CHRM5: variants seen among roughly 807,000 people sequenced by gnomAD.
The protein encoded by CHRM5 is cholinergic receptor muscarinic 5.
A neutral mutation model predicts 39.0 loss-of-function variants in CHRM5; 18 were observed. The ratio of observed to expected loss-of-function variants is 0.46; its 90% CI spans 0.32 to 0.68. CHRM5 has a LOEUF of 0.68. CHRM5 is among the 30% of genes least tolerant of loss of function. CHRM5 has a pLI of 0.04. For synonymous variants in CHRM5, 241 were observed against 246.3 expected (o/e 0.98, Z 0.20); for missense variants, 515 against 651.1 (o/e 0.79, Z 2.28).
At chr15:34,034,642 A>G (rs2140776960) in intron 1 of CHRM5, among the ~76,000 whole-genome samples, 1 of 152,330 alleles carries the variant, frequency 6.6e-6, no homozygotes. Context: ...CAAGCAAAAA[A>G]GTTCAGTTGT....
intron 1 of CHRM5, among the ~76,000 whole-genome samples, chr15:33,980,498 T>C (rs1210083110): frequency 2.6e-5 from 4 of 152,214 alleles, no homozygotes; most frequent in Non-Finnish European, 5.9e-5. Context: ...TGTGGGCTGA[T>C]GGCCATATAT....
chr15:34,022,570 G>C (rs1482064139), intron 1 of CHRM5, among the ~76,000 whole-genome samples: 1 of 152,184 alleles, frequency 6.6e-6, no homozygotes, highest in Non-Finnish European at 1.5e-5. Flanking sequence ...AAACTTTGAG[G>C]CTGGGCCACA....
chr15:33,976,441 C>T (rs948266933), intron 1 of CHRM5, among the ~76,000 whole-genome samples: 5 of 147,190 alleles, frequency 3.4e-5, no homozygotes, highest in African/African-American at 1.2e-4. Context: ...AAACCAACAA[C>T]CAATACCCAT....
intron 2 of CHRM5, among the ~76,000 whole-genome samples, chr15:34,055,462 G>A (rs1275757037): frequency 6.8e-6 from 1 of 147,692 alleles, no homozygotes; most frequent in Non-Finnish European, 1.5e-5. Flanking sequence ...CTGTGATCAC[G>A]CCACTGCATT....
chr15:34,044,168 G>A (rs1899595355), intron 1 of CHRM5, among the ~76,000 whole-genome samples: 1 of 150,762 alleles, frequency 6.6e-6, no homozygotes, highest in African/African-American at 2.4e-5. Context: ...CCTTTTTATA[G>A]CAAAGTTCCT....
intron 1 of CHRM5, chr15:34,038,678 G>A: frequency 6.8e-6 from 7 of 1,030,338 alleles, no homozygotes; most frequent in Non-Finnish European, 8.3e-6. Context: ...CCGCCCGTCT[G>A]GCGCGCGCCT....
At chr15:33,970,192 G>C (rs1260166230) in intron 1 of CHRM5, among the ~76,000 whole-genome samples, 2 of 151,918 alleles carry the variant, frequency 1.3e-5, no homozygotes, top group Non-Finnish European at 1.5e-5. Context: ...TTGTCTAAAA[G>C]TAGTCAAATT....
intron 1 of CHRM5, among the ~76,000 whole-genome samples, chr15:34,032,182 A>G (rs2684938): frequency 0.99 from 151,097 of 152,268 alleles, 74,979 homozygotes; most frequent in Middle Eastern, 1. Flanking sequence ...AAGTGCATCA[A>G]GAAATAGTGA....
intron 1 of CHRM5, among the ~76,000 whole-genome samples, chr15:34,020,320 A>G (rs868058175): frequency 2.3e-4 from 34 of 146,950 alleles, no homozygotes; most frequent in Admixed American, 3.4e-4. Flanking sequence ...CAAAAAAAAA[A>G]GAAAAAAAAA....
intron 1 of CHRM5, among the ~76,000 whole-genome samples, chr15:34,034,080 C>G (rs556234051): frequency 1.8e-4 from 28 of 152,320 alleles, no homozygotes; most frequent in African/African-American, 6.7e-4. Context: ...CCACTGCGCC[C>G]AGCCTAAATA....
intron 1 of CHRM5, among the ~76,000 whole-genome samples, chr15:34,027,147 G>A (rs1350039134): frequency 6.6e-6 from 1 of 152,186 alleles, no homozygotes; most frequent in African/African-American, 2.4e-5. Context: ...TCCAAGGAGT[G>A]TTTATTTAAA....
chr15:34,023,069 C>A (rs1437999553), intron 1 of CHRM5, among the ~76,000 whole-genome samples: 4 of 152,158 alleles, frequency 2.6e-5, no homozygotes, highest in African/African-American at 9.7e-5. Flanking sequence ...CGCCTGTAGT[C>A]CCAGCTACTC....
chr15:34,021,576 C>T (rs1329440553), intron 1 of CHRM5, among the ~76,000 whole-genome samples: 1 of 152,108 alleles, frequency 6.6e-6, no homozygotes, highest in Non-Finnish European at 1.5e-5. Flanking sequence ...TACACATGGC[C>T]GTGTAAGGTG....
At chr15:34,005,532 T>G (rs1273634994) in intron 1 of CHRM5, among the ~76,000 whole-genome samples, 1 of 152,232 alleles carries the variant, frequency 6.6e-6, no homozygotes, top group Non-Finnish European at 1.5e-5. Flanking sequence ...GATGCTGCTT[T>G]GAACCCTTTG....
At chr15:33,977,083 G>T (rs74972758) in intron 1 of CHRM5, among the ~76,000 whole-genome samples, 2,178 of 152,160 alleles carry the variant, frequency 0.014, 51 homozygotes, top group African/African-American at 0.049. Flanking sequence ...AATAATTTTT[G>T]GCTTAAATTG....
At position 34,062,721 on chromosome 15, in the gene CHRM5, G is replaced by A; in HGVS notation, c.4G>A (p.Glu2Lys). 6.2e-7 allele frequency: 1 copy of A among 1,606,668 alleles called. No individual in the cohort carries two copies. The highest frequency in any genetic ancestry group is 8.5e-7 in the Non-Finnish European group (1 of 1,175,362). M[E>K]GDSYHNATTV... The stretch of plus-strand genomic sequence containing the variant: ...ACTGTAAAATTTTTGCACCAGGATG[G>A]AAGGGGATTCTTACCACAATGCAAC... The change falls in exon 3 of 3, where the codon GAA becomes AAA. Residue 2 changes from glutamate (E) to lysine (K), a missense_variant. Glu to Lys is a moderately conservative substitution (Grantham distance 56, BLOSUM62 1). Transcript: ENST00000383263.
chr15:34,009,272 A>C (rs913446524), intron 1 of CHRM5, among the ~76,000 whole-genome samples: 10 of 152,232 alleles, frequency 6.6e-5, no homozygotes, highest in African/African-American at 2.4e-4. Flanking sequence ...AAGTTCTTCA[A>C]ACTAAAAACA....
chr15:34,056,154 G>A (rs1272105213), intron 2 of CHRM5, among the ~76,000 whole-genome samples: 1 of 152,174 alleles, frequency 6.6e-6, no homozygotes, highest in Non-Finnish European at 1.5e-5. Flanking sequence ...GAAGAAAGTT[G>A]AGGGCTAAAA....
At chr15:33,983,869 C>T (rs1263757839) in intron 1 of CHRM5, among the ~76,000 whole-genome samples, 10 of 151,378 alleles carry the variant, frequency 6.6e-5, no homozygotes, top group Non-Finnish European at 1.5e-5. Flanking sequence ...CATGATCCAA[C>T]AAGAAAGGTA....
Sources: gnomAD v4.1 joint callset for allele counts (sites outside exome capture counted in the v4.1 genomes callset) on GRCh38, gnomAD v4.1.1 for gene constraint, MANE v1.5 for transcripts, NCBI Gene and HGNC (gene_info 2026-07-23, HGNC 2026-07-21) for gene names.